MAPKAP1: variants seen among roughly 807,000 people sequenced by gnomAD.
The protein encoded by MAPKAP1 is MAPK associated protein 1.
A neutral mutation model predicts 65.7 loss-of-function variants in MAPKAP1; 20 were observed. The observed-to-expected ratio is 0.30, with a 90% CI of 0.21 to 0.44. The LOEUF (loss-of-function observed/expected upper bound fraction) is 0.44. MAPKAP1 is among the 20% of genes least tolerant of loss of function. MAPKAP1 has a pLI of 1.00. For synonymous variants in MAPKAP1, 222 were observed against 244.3 expected, an observed-to-expected ratio of 0.91 and a Z score of 0.85; for missense variants, 423 against 648.0, an observed-to-expected ratio of 0.65 and a Z score of 3.77.
At chr9:125,616,488 T>C (rs1832751169) in intron 4 of MAPKAP1, among the ~76,000 whole-genome samples, 1 of 152,130 alleles carries the variant, frequency 6.6e-6, no homozygotes, top group Non-Finnish European at 1.5e-5. Context: ...AAACATACAT[T>C]CAAATTTCTT....
chr9:125,547,191 C>A (rs28566987), intron 6 of MAPKAP1, among the ~76,000 whole-genome samples: 1 of 152,114 alleles, frequency 6.6e-6, no homozygotes, highest in East Asian at 1.9e-4. Flanking sequence ...CCAGCACGAA[C>A]CCAACGCAAG....
chr9:125,696,790 A>T (rs1486332212), intron 1 of MAPKAP1, among the ~76,000 whole-genome samples: 1 of 152,226 alleles, frequency 6.6e-6, no homozygotes, highest in Non-Finnish European at 1.5e-5. Flanking sequence ...GAGCCCCAGA[A>T]TCACTTCTGA....
At chr9:125,664,065 G>A (rs929186708) in intron 3 of MAPKAP1, among the ~76,000 whole-genome samples, 5 of 152,206 alleles carry the variant, frequency 3.3e-5, no homozygotes, top group East Asian at 3.9e-4. Flanking sequence ...AACAGATTTC[G>A]GCCAGGTGCG....
intron 4 of MAPKAP1, among the ~76,000 whole-genome samples, chr9:125,594,235 T>C (rs1832058264): frequency 6.6e-6 from 1 of 152,244 alleles, no homozygotes; most frequent in Non-Finnish European, 1.5e-5. Context: ...CAATGTGATT[T>C]TTCTCAAATC....
intron 1 of MAPKAP1, among the ~76,000 whole-genome samples, chr9:125,701,415 G>A (rs1303269517): frequency 6.6e-6 from 1 of 152,212 alleles, no homozygotes. Flanking sequence ...CCGAGGATTT[G>A]TAAGTGACGT....
intron 7 of MAPKAP1, among the ~76,000 whole-genome samples, chr9:125,542,071 T>C (rs1830268422): frequency 6.7e-6 from 1 of 150,336 alleles, no homozygotes; most frequent in African/African-American, 2.4e-5. Flanking sequence ...TCTCTCTCTC[T>C]TTTTTATGAG....
chr9:125,571,221 T>A (rs1401039330), intron 5 of MAPKAP1, among the ~76,000 whole-genome samples: 1 of 152,252 alleles, frequency 6.6e-6, no homozygotes, highest in Non-Finnish European at 1.5e-5. Context: ...TTAATCATTA[T>A]AATTGTTATG....
chr9:125,625,255 T>TTA (rs1564589549), intron 4 of MAPKAP1, among the ~76,000 whole-genome samples: 3 of 64,712 alleles, frequency 4.6e-5, no homozygotes, highest in African/African-American at 1.2e-4. Context: ...AATAAATAAA[T>TTA]AAAAAAAAAA....
chr9:125,504,867 G>A (rs900802984), intron 8 of MAPKAP1, among the ~76,000 whole-genome samples: 8 of 152,002 alleles, frequency 5.3e-5, no homozygotes, highest in African/African-American at 1.9e-4. Context: ...TGTTTAGAGG[G>A]TCAGTGGCAT....
chr9:125,466,200 C>A (rs963288018), intron 10 of MAPKAP1, among the ~76,000 whole-genome samples: 6 of 152,140 alleles, frequency 3.9e-5, no homozygotes, highest in African/African-American at 9.7e-5. Flanking sequence ...GGCAACATAG[C>A]AAGACTTTGT....
intron 1 of MAPKAP1, among the ~76,000 whole-genome samples, chr9:125,689,253 C>G (rs556433266): frequency 1.3e-5 from 2 of 151,174 alleles, no homozygotes; most frequent in Non-Finnish European, 2.9e-5. Flanking sequence ...CTGGCTAACA[C>G]GGTGAAACCC....
rs559788805 is a variant in MAPKAP1 at position 125,651,392 on chromosome 9, G to A, written c.498+6259C>T. Among the ~76,000 whole-genome samples, 523 of 152,058 alleles carry A rather than the reference G, an allele frequency of 3.4e-3. 2 individuals are homozygous for A. The highest frequency in any genetic ancestry group is 0.017 in the Middle Eastern group (5 of 294). ...GGCCGAGGCGGGCAGATCACCTGAGGTCAGGAGTTTGAGACGAGCCTGGCC... is the reference window on the plus strand; with the variant it reads ...GGCCGAGGCGGGCAGATCACCTGAGATCAGGAGTTTGAGACGAGCCTGGCC... On this transcript the variant is annotated intron_variant, in intron 4 of 11. Transcript: ENST00000265960.
At chr9:125,628,533 C>T (rs181351847) in intron 4 of MAPKAP1, among the ~76,000 whole-genome samples, 14 of 152,020 alleles carry the variant, frequency 9.2e-5, no homozygotes, top group Admixed American at 5.2e-4. Context: ...TACAAAAGAA[C>T]GAAGGTGAAT....
chr9:125,491,519 G>A (rs1854728018), intron 8 of MAPKAP1, among the ~76,000 whole-genome samples: 1 of 152,070 alleles, frequency 6.6e-6, no homozygotes, highest in Non-Finnish European at 1.5e-5. Context: ...GCTCACCCCT[G>A]TAATCCCGGC....
chr9:125,654,508 T>C (rs1244514494), intron 4 of MAPKAP1, among the ~76,000 whole-genome samples: 2 of 152,090 alleles, frequency 1.3e-5, no homozygotes, highest in African/African-American at 4.8e-5. Flanking sequence ...AAAGAAATAA[T>C]ATCAAAATGA....
In MAPKAP1 at chr9:125,439,131, G is replaced by A. The variant is rs549194586; in HGVS notation, c.1444-119C>T. ...GCCGGGTGCCTCAGGGCCAGGTGCT[G>A]TCGTGTGGAAGGAGTCCAGTCATCA... On this transcript the variant is annotated intron_variant, in intron 11 of 11. Coordinates refer to ENST00000265960, the MANE Select transcript of MAPKAP1 (RefSeq NM_001006617.3). This position sits in a 1 kb window ranked among gnomAD's most constrained non-coding sequence, Gnocchi z 4.0. The A allele has an allele frequency of 2.7e-5, 32 of 1,172,680 alleles. No individual in the cohort carries two copies. The highest frequency in any genetic ancestry group is 1.5e-4 in the Admixed American group (6 of 41,170). The allele number at this position is 1,172,680 out of a possible 1,614,324, so 72.6% of individuals were successfully genotyped here.
At chr9:125,550,643 TTC>T (rs1404669946) in intron 6 of MAPKAP1, among the ~76,000 whole-genome samples, 28 of 152,352 alleles carry the variant, frequency 1.8e-4, no homozygotes, top group East Asian at 7.7e-4. Context: ...GCTCCAATAT[TTC>T]TGTCACTTTA....
At chr9:125,451,727 G>C (rs1208162641) in intron 10 of MAPKAP1, among the ~76,000 whole-genome samples, 5 of 151,646 alleles carry the variant, frequency 3.3e-5, no homozygotes, top group African/African-American at 1.2e-4. Flanking sequence ...CCTCACCCAG[G>C]TCCTGATCAT....
chr9:125,603,014 C>T (rs996563766), intron 4 of MAPKAP1, among the ~76,000 whole-genome samples: 4 of 152,122 alleles, frequency 2.6e-5, no homozygotes, highest in African/African-American at 9.7e-5. Context: ...CACATCTCAA[C>T]CTCCCAAGAA....
Sources: gnomAD v4.1 joint callset for allele counts (sites outside exome capture counted in the v4.1 genomes callset) on GRCh38, gnomAD v4.1.1 for gene constraint, Gnocchi (gnomAD v3.1) non-coding constraint, MANE v1.5 for transcripts, NCBI Gene and HGNC (gene_info 2026-07-23, HGNC 2026-07-21) for gene names.